CNTNAP5: variants seen among roughly 807,000 people sequenced by gnomAD.
CNTNAP5 encodes contactin associated protein family member 5, also known as contactin-associated protein-like 5.
In CNTNAP5, 72 loss-of-function variants were observed where a neutral mutation model predicts 150.2. The ratio of observed to expected loss-of-function variants is 0.48; its 90% CI spans 0.40 to 0.58. The LOEUF is 0.58. Ranked by LOEUF, CNTNAP5 falls within the 20% of genes least tolerant of loss-of-function variation. The probability of loss-of-function intolerance (pLI) is 0.00; values close to 1 mark genes in which losing one functional copy is unlikely to be tolerated. For missense variants in CNTNAP5, 1,636 were observed against 1,626.2 expected (o/e 1.01, Z -0.10); for synonymous variants, 672 against 619.8 (o/e 1.08, Z -1.25).
chr2:124,920,001 G>A lies in CNTNAP5; in HGVS notation c.*5713G>A, dbSNP rs942735492. On this transcript the variant is annotated 3_prime_UTR_variant, in exon 24 of 24. Coordinates refer to ENST00000682447, the MANE Select transcript of CNTNAP5 (RefSeq NM_001367498.1). ...ATGAATAAGCATAACATAACTGTAAGAAGGAGTGTAGTGTCCCAGCCCTGA... is the reference window on the plus strand; with the variant it reads ...ATGAATAAGCATAACATAACTGTAAAAAGGAGTGTAGTGTCCCAGCCCTGA... 6.6e-6 allele frequency among the ~76,000 whole-genome samples: 1 copy of A among 152,020 alleles called. No individual in the cohort carries two copies. The highest frequency in any genetic ancestry group is 6.6e-5 in the Admixed American group (1 of 15,260).
chr2:124,117,299 T>C (rs1048777951), intron 1 of CNTNAP5, among the ~76,000 whole-genome samples: 1 of 152,188 alleles, frequency 6.6e-6, no homozygotes, highest in Non-Finnish European at 1.5e-5. Context: ...TATCACTGTC[T>C]GACATATTAT....
At chr2:124,722,032 G>T (rs1680060470) in intron 13 of CNTNAP5, among the ~76,000 whole-genome samples, 1 of 151,880 alleles carries the variant, frequency 6.6e-6, no homozygotes, top group African/African-American at 2.4e-5. Context: ...AGTCTCATTG[G>T]ATTTGGGCCC....
At chr2:124,756,549 G>A (rs1181058039) in intron 14 of CNTNAP5, among the ~76,000 whole-genome samples, 5 of 152,196 alleles carry the variant, frequency 3.3e-5, no homozygotes, top group African/African-American at 1.2e-4. Flanking sequence ...TAAAGAAAAT[G>A]TGGTACATAT....
intron 12 of CNTNAP5, among the ~76,000 whole-genome samples, chr2:124,611,444 A>G (rs185193479): frequency 2.0e-4 from 31 of 152,302 alleles, no homozygotes; most frequent in African/African-American, 7.5e-4. Context: ...TATCTCTCCA[A>G]AATGGTTGTA....
intron 19 of CNTNAP5, among the ~76,000 whole-genome samples, chr2:124,844,381 C>A (rs1683004316): frequency 6.6e-6 from 1 of 151,860 alleles, no homozygotes; most frequent in South Asian, 2.1e-4. Context: ...GTGCCTATTT[C>A]TGTACTAGTA....
chr2:124,760,334 T>C (rs1680931434), intron 14 of CNTNAP5, among the ~76,000 whole-genome samples: 1 of 152,066 alleles, frequency 6.6e-6, no homozygotes, highest in South Asian at 2.1e-4. Context: ...AAACCCACTG[T>C]AATTTTTAAT....
At chr2:124,516,550 G>A (rs961036496) in intron 8 of CNTNAP5, among the ~76,000 whole-genome samples, 3 of 152,174 alleles carry the variant, frequency 2.0e-5, no homozygotes, top group East Asian at 1.9e-4. Flanking sequence ...AGGAATAACA[G>A]GTGAATAAAG....
At chr2:124,518,739 C>T (rs534882796) in intron 8 of CNTNAP5, among the ~76,000 whole-genome samples, 14 of 152,144 alleles carry the variant, frequency 9.2e-5, no homozygotes, top group Admixed American at 5.2e-4. Context: ...GTAATCCTAT[C>T]GCTTTGGGAG....
At chr2:124,332,039 C>T in intron 3 of CNTNAP5, among the ~76,000 whole-genome samples, 1 of 151,790 alleles carries the variant, frequency 6.6e-6, no homozygotes, top group African/African-American at 2.4e-5. Flanking sequence ...ATGATTCATC[C>T]TTTATAAAAT....
intron 12 of CNTNAP5, among the ~76,000 whole-genome samples, chr2:124,613,767 C>T (rs898895838): frequency 6.6e-6 from 1 of 152,142 alleles, no homozygotes; most frequent in African/African-American, 2.4e-5. Flanking sequence ...AGGGGAGTTC[C>T]CCAAATGCTC....
intron 1 of CNTNAP5, among the ~76,000 whole-genome samples, chr2:124,164,624 G>A (rs1684767581): frequency 6.6e-6 from 1 of 152,150 alleles, no homozygotes; most frequent in African/African-American, 2.4e-5. Context: ...TGATTTATTG[G>A]ACAATCTGCT....
Position 124,532,967 on chromosome 2 carries a change from C to T in CNTNAP5, c.1649+5511C>T, listed in dbSNP as rs142385017. Among the ~76,000 whole-genome samples the T allele has an allele frequency of 4.6e-5, 7 of 152,240 alleles. No individual in the cohort carries two copies. The East Asian group carries it at 5.8e-4, about 13-fold the overall frequency. ...CTTAAGTGCCCCGCCACCCTTTCCCCAACCCCCACTGTTGCAAGTGATCCT... is the reference window on the plus strand; with the variant it reads ...CTTAAGTGCCCCGCCACCCTTTCCCTAACCCCCACTGTTGCAAGTGATCCT... On this transcript the variant is annotated intron_variant, in intron 10 of 23. Coordinates refer to ENST00000682447, the MANE Select transcript of CNTNAP5 (RefSeq NM_001367498.1).
chr2:124,862,977 A>G (rs1295148601), intron 19 of CNTNAP5, among the ~76,000 whole-genome samples: 1 of 152,172 alleles, frequency 6.6e-6, no homozygotes, highest in Non-Finnish European at 1.5e-5. Context: ...TATTGGGGGA[A>G]GCTTCAGAAT....
Position 124,916,875 on chromosome 2 carries a change from A to C in CNTNAP5, c.*2587A>C, listed in dbSNP as rs561700824. ...AGCAGAATTATTTTTACAGGGTTGA[A>C]TTATTTCATAACCCCAGAGAACACT... On this transcript the variant is annotated 3_prime_UTR_variant, in exon 24 of 24. Coordinates refer to ENST00000682447, the MANE Select transcript of CNTNAP5 (RefSeq NM_001367498.1). Among the ~76,000 whole-genome samples the C allele has an allele frequency of 6.6e-6, 1 of 152,178 alleles. No individual in the cohort carries two copies. The highest frequency in any genetic ancestry group is 2.4e-5 in the African/African-American group (1 of 41,564).
intron 12 of CNTNAP5, among the ~76,000 whole-genome samples, chr2:124,639,456 A>G (rs1443941160): frequency 6.6e-6 from 1 of 152,134 alleles, no homozygotes; most frequent in African/African-American, 2.4e-5. Flanking sequence ...TCTCACCCTT[A>G]GAGAAGGCGT....
rs532987711 is a variant in CNTNAP5 at position 124,136,617 on chromosome 2, C to A, written c.83-85088C>A. Among the ~76,000 whole-genome samples the A allele has an allele frequency of 1.1e-3, 173 of 152,280 alleles. 2 individuals are homozygous for A. The highest frequency in any genetic ancestry group is 3.9e-3 in the African/African-American group (163 of 41,564). ...GAAAAACAGAATGTTTGTTCAGGTA[C>A]TTGACGTACAGTTTCTACTGAATGT... is the stretch of plus-strand genomic sequence containing the variant. On this transcript the variant is annotated intron_variant, in intron 1 of 23. Transcript: ENST00000682447.
chr2:124,526,860 C>T (rs1011538230), intron 9 of CNTNAP5, among the ~76,000 whole-genome samples: 3 of 152,096 alleles, frequency 2.0e-5, no homozygotes, highest in East Asian at 1.9e-4. Context: ...TTACCCAGAG[C>T]GTAATTTTCT....
chr2:124,458,247 T>A (rs957514399), intron 6 of CNTNAP5, among the ~76,000 whole-genome samples: 3 of 146,046 alleles, frequency 2.1e-5, no homozygotes, highest in African/African-American at 7.5e-5. Context: ...ATATATAATA[T>A]AAAATATATA....
At chr2:124,281,833 C>G (rs1055329558) in intron 3 of CNTNAP5, among the ~76,000 whole-genome samples, 1 of 152,182 alleles carries the variant, frequency 6.6e-6, no homozygotes, top group Non-Finnish European at 1.5e-5. Flanking sequence ...GCTCTACTTC[C>G]TCAGGCTCAG....
Sources: gnomAD v4.1 joint callset for allele counts (sites outside exome capture counted in the v4.1 genomes callset) on GRCh38, gnomAD v4.1.1 for gene constraint, MANE v1.5 for transcripts, NCBI Gene and HGNC (gene_info 2026-07-23, HGNC 2026-07-21) for gene names.